Variants in AATK observed in about 807,000 individuals in gnomAD.
AATK encodes lemur tail kinase 1.
A neutral mutation model predicts 114.3 loss-of-function variants in AATK; 91 were observed. That is an observed-to-expected ratio of 0.80 (90% CI 0.67 to 0.95). The LOEUF is 0.95. Ranked by LOEUF, AATK falls within the 40% of genes least tolerant of loss-of-function variation. The probability of loss-of-function intolerance (pLI) is 0.00; values close to 1 mark genes in which losing one functional copy is unlikely to be tolerated. For missense variants in AATK, 2,176 were observed against 1,965.2 expected (o/e 1.11, Z -2.03); for synonymous variants, 1,075 against 916.5 (o/e 1.17, Z -3.12).
At chr17:81,161,280 G>A (rs1395843377) in intron 1 of AATK, among the ~76,000 whole-genome samples, 3 of 152,030 alleles carry the variant, frequency 2.0e-5, no homozygotes, top group African/African-American at 4.8e-5. Flanking sequence ...CCGGCACAGC[G>A]GCCCCAGGTG....
rs1408212003 is a variant in AATK, at chr17:81,122,177, G to C, written c.1759C>G (p.Pro587Ala). 3.6e-5 allele frequency: 54 copies of C among 1,509,962 alleles called. No individual in the cohort carries two copies. The highest frequency in any genetic ancestry group is 4.8e-5 in the Non-Finnish European group (54 of 1,130,258). 93.5% of individuals were successfully genotyped at this position (1,509,962 alleles called of 1,614,324 possible). A position where few individuals can be genotyped will look rare whatever the true frequency, so the allele number is the denominator to read the frequency against. Residue 587 changes from proline to alanine, a missense_variant, in exon 11 of 14, where the codon CCC becomes GCC. Transcript: ENST00000326724. ...LLGHGPPVDV[P>A]WGRGDHYPRR... ...GGGTAGTGGTCGCCGCGGCCCCAGG[G>C]GACGTCGACGGGTGGCCCGTGGCCC...
At chr17:81,141,055 G>A (rs967723090) in intron 1 of AATK, among the ~76,000 whole-genome samples, 6 of 147,814 alleles carry the variant, frequency 4.1e-5, no homozygotes, top group East Asian at 3.9e-4. Flanking sequence ...ACCGTGAGCC[G>A]TGGGGCCGTG....
intron 13 of AATK, among the ~76,000 whole-genome samples, chr17:81,118,925 C>T (rs937455555): frequency 6.6e-6 from 1 of 152,148 alleles, no homozygotes; most frequent in Admixed American, 6.5e-5. Context: ...CAGAGATGAG[C>T]CCAGCCTGGG....
intron 1 of AATK, among the ~76,000 whole-genome samples, chr17:81,158,338 C>G (rs2061391722): frequency 6.6e-6 from 1 of 152,232 alleles, no homozygotes; most frequent in Non-Finnish European, 1.5e-5. Context: ...CTCTGGGCCA[C>G]AGAGATTCCA....
At position 81,121,017 on chromosome 17, in the gene AATK, G is replaced by A. The variant is rs568593762; in HGVS notation, c.2919C>T (p.Pro973=). The A allele has an allele frequency of 2.5e-5, 41 of 1,609,844 alleles. No individual in the cohort carries two copies. The highest frequency in any genetic ancestry group is 3.1e-5 in the Non-Finnish European group (37 of 1,178,780). Residue 973 remains proline, a synonymous_variant, in exon 11 of 14, where the codon CCC becomes CCT. Transcript: ENST00000326724. ...AGGTGGAGAGCCGTGTCTCGGGCCCGGGGCCCTCACCCTCTGAGGCCAGCT... is the reference window on the plus strand; with the variant it reads ...AGGTGGAGAGCCGTGTCTCGGGCCCAGGGCCCTCACCCTCTGAGGCCAGCT... ...FAELASEGEG[P]GPETRLSTSL... is the part of the protein sequence containing the mutation.
chr17:81,147,138 A>G (rs552389364), intron 1 of AATK, among the ~76,000 whole-genome samples: 89 of 151,196 alleles, frequency 5.9e-4, no homozygotes, highest in South Asian at 1.0e-3. Flanking sequence ...CGAGGCAGAC[A>G]GATCACGAAG....
In AATK at chr17:81,159,576, G is replaced by A. The variant is rs529371630; in HGVS notation, c.55+6362C>T. On this transcript the variant is annotated intron_variant, in intron 1 of 13. Coordinates refer to ENST00000326724, the MANE Select transcript of AATK (RefSeq NM_001080395.3). ...GCCCAAACCCTAAGCAAGCCCCACC[G>A]GCTGCAGAATCCGCAGGACCAAGTA... is the stretch of plus-strand genomic sequence containing the variant. Among the ~76,000 whole-genome samples the A allele has an allele frequency of 4.1e-3, 619 of 152,244 alleles. 3 individuals carry two copies. Among genetic ancestry groups the A allele is most frequent in the African/African-American group, 0.014 (589 of 41,532 alleles).
At position 81,124,627 on chromosome 17, in the gene AATK, G is replaced by A. The variant is rs150088785; in HGVS notation, c.962+100C>T. 1,365 of 1,537,570 alleles carry A rather than the reference G, an allele frequency of 8.9e-4. 17 individuals are homozygous for A. In the East Asian group the frequency reaches 0.027, roughly 31 times the overall value. ...GCGTGTGGCCACTACAGGTGGCTCC[G>A]GCAGCCCCCTGACCTCACTACTCAT... On this transcript the variant is annotated intron_variant, in intron 9 of 13. Coordinates refer to ENST00000326724, the MANE Select transcript of AATK (RefSeq NM_001080395.3).
At chr17:81,119,164 AGGTGAGG>A in intron 13 of AATK, among the ~76,000 whole-genome samples, 1 of 134,560 alleles carries the variant, frequency 7.4e-6, no homozygotes, top group African/African-American at 2.8e-5. Context: ...GGTGAGGGTC[AGGTGAGG>A]GTCAGGTGAG....
At position 81,121,318 on chromosome 17, in the gene AATK, T is replaced by C. The variant is rs2060697115; in HGVS notation, c.2618A>G (p.Asp873Gly). ...TAEATSGIFTDTSSDGLQARR... is the reference protein window; with the variant it reads ...TAEATSGIFTGTSSDGLQARR... ...GGCCTGCAGGCCGTCGCTGGACGTG[T>C]CGGTGAAGATGCCTGAGGTGGCCTC... Residue 873 changes from aspartate to glycine, a missense_variant, in exon 11 of 14, where the codon GAC (aspartate) becomes GGC (glycine). By Grantham distance (94) the Asp-to-Gly change is moderately conservative. Transcript: ENST00000326724. 6.2e-7 allele frequency: 1 copy of C among 1,612,156 alleles called. No homozygotes were observed. The highest frequency in any genetic ancestry group is 1.3e-5 in the African/African-American group (1 of 75,030).
At chr17:81,152,844 ATTTT>A (rs71166127) in intron 1 of AATK, among the ~76,000 whole-genome samples, 2 of 145,024 alleles carry the variant, frequency 1.4e-5, no homozygotes, top group Admixed American at 6.9e-5. Flanking sequence ...GCCCTGCTGA[ATTTT>A]TTTTTTTTTT....
At position 81,120,286 on chromosome 17, in the gene AATK, A is replaced by G. The variant is rs760304700; in HGVS notation, c.3650T>C (p.Leu1217Pro). The part of the protein sequence containing the change: ...LRSLLKMPSL[L>P]SETFCEDLER... Reference sequence around the variant, plus strand: ...CAGGTCCTCGCAGAAGGTCTCGGACAGCAGGCTGGGCATCTTGAGCAGGCT... The same window carrying G: ...CAGGTCCTCGCAGAAGGTCTCGGACGGCAGGCTGGGCATCTTGAGCAGGCT... The change falls in exon 11 of 14, where the codon CTG becomes CCG. Residue 1217 changes from leucine to proline, a missense_variant. Physicochemically the swap from Leu to Pro is moderately conservative, Grantham distance 98 (BLOSUM62 -3). Coordinates refer to ENST00000326724, the MANE Select transcript of AATK (RefSeq NM_001080395.3). 3 of 1,608,932 alleles carry G rather than the reference A, an allele frequency of 1.9e-6. No individual in the cohort carries two copies. Among genetic ancestry groups the G allele is most frequent in the African/African-American group, 2.7e-5 (2 of 74,902 alleles).
chr17:81,140,932 A>G (rs56345139), intron 1 of AATK, among the ~76,000 whole-genome samples: 7 of 59,232 alleles, frequency 1.2e-4, no homozygotes, highest in East Asian at 3.9e-4. Context: ...GGACCGTGGG[A>G]CCATGGGGCC....
chr17:81,121,669 G>T lies in AATK; in HGVS notation c.2267C>A (p.Pro756His). Residue 756 changes from proline to histidine, a missense_variant, in exon 11 of 14, where the codon CCT becomes CAT. Physicochemically the swap from Pro to His is moderately conservative, Grantham distance 77 (BLOSUM62 -2). This residue lies in a region of AATK where 1,701 missense variants were observed against 1,394.7 expected (regional missense o/e 1.22). Coordinates refer to ENST00000326724, the MANE Select transcript of AATK (RefSeq NM_001080395.3). ...GGAGGGTGTAACCAGGCAGGGAGCA[G>T]GTGCCAGGCCCTGGGCAGAGCATAG... ...PHLCSAQGLA[P>H]APCLVTPSWT... is the part of the protein sequence containing the mutation. The T allele has an allele frequency of 2.7e-6, 4 of 1,499,972 alleles. No individual in the cohort carries two copies. The highest frequency in any genetic ancestry group is 2.4e-5 in the East Asian group (1 of 41,862). 92.9% of individuals were successfully genotyped at this position (1,499,972 alleles called of 1,614,324 possible).
In AATK at chr17:81,120,976, T is replaced by C; in HGVS notation, c.2960A>G (p.Asn987Ser). The change falls in exon 11 of 14, where the codon AAC becomes AGC. Residue 987 changes from asparagine (N) to serine (S), a missense_variant. Asn to Ser is a conservative substitution (Grantham distance 46). Around this residue, in one of 4 missense-constraint regions of AATK, gnomAD observed 1,701 missense variants for 1,394.7 expected, o/e 1.22. Coordinates refer to ENST00000326724, the MANE Select transcript of AATK (RefSeq NM_001080395.3). ...TRLSTSLSGL[N>S]EKNPYRDSAY... Reference sequence around the variant, plus strand: ...AGAGTCTCGGTAGGGATTCTTCTCGTTGAGGCCACTGAGGGAGGTGGAGAG... The same window carrying C: ...AGAGTCTCGGTAGGGATTCTTCTCGCTGAGGCCACTGAGGGAGGTGGAGAG... 2.5e-6 allele frequency: 4 copies of C among 1,610,362 alleles called. No homozygotes were observed. The highest frequency in any genetic ancestry group is 2.5e-6 in the Non-Finnish European group (3 of 1,179,022).
At chr17:81,125,052 G>C (rs921499137) in intron 7 of AATK, 38 bp from the exon 8 acceptor site, 1 of 1,389,846 alleles carries the variant, frequency 7.2e-7, no homozygotes, top group African/African-American at 1.4e-5. Flanking sequence ...GGGTGAGCAG[G>C]GTGAGCAGGG....
intron 1 of AATK, among the ~76,000 whole-genome samples, chr17:81,137,992 A>G (rs1386888090): frequency 2.7e-5 from 4 of 150,906 alleles, no homozygotes; most frequent in African/African-American, 9.8e-5. Flanking sequence ...ACGCGTGCAC[A>G]CACCCCCACA....
At chr17:81,148,503 G>A (rs1014791251) in intron 1 of AATK, among the ~76,000 whole-genome samples, 5 of 152,226 alleles carry the variant, frequency 3.3e-5, no homozygotes, top group Admixed American at 1.3e-4. Context: ...GGGAACGTCC[G>A]CTGGACCAGT....
intron 1 of AATK, among the ~76,000 whole-genome samples, chr17:81,137,864 G>A (rs2061037878): frequency 1.3e-5 from 2 of 151,784 alleles, no homozygotes; most frequent in African/African-American, 2.4e-5. Flanking sequence ...TCACACGTGT[G>A]CACACCCATA....
Sources: gnomAD v4.1 joint callset for allele counts (sites outside exome capture counted in the v4.1 genomes callset) on GRCh38, gnomAD v4.1.1 for gene constraint, gnomAD v4.1.1 regional missense constraint, MANE v1.5 for transcripts, NCBI Gene and HGNC (gene_info 2026-07-23, HGNC 2026-07-21) for gene names.